STX1A: variants seen among roughly 807,000 people sequenced by gnomAD.
STX1A encodes the protein syntaxin 1A, also known as syntaxin-1A.
STX1A carries 4 observed loss-of-function variants against 37.8 expected under a neutral mutation model. The ratio of observed to expected loss-of-function variants is 0.11; its 90% CI spans 0.05 to 0.24. The LOEUF is 0.24. STX1A is among the 10% of genes least tolerant of loss of function. The probability of loss-of-function intolerance (pLI) is 1.00; values close to 1 mark genes in which losing one functional copy is unlikely to be tolerated. For missense variants in STX1A, 251 were observed against 399.9 expected (o/e 0.63, Z 3.18); for synonymous variants, 135 against 147.4 (o/e 0.92, Z 0.61).
chr7:73,714,444 A>G (rs555676990), intron 1 of STX1A, among the ~76,000 whole-genome samples: 1 of 151,946 alleles, frequency 6.6e-6, no homozygotes, highest in South Asian at 2.1e-4. Context: ...TTTGTTGTCC[A>G]GACTGGAGTG....
chr7:73,703,133 G>A, intron 7 of STX1A, 151 bp from the exon 8 acceptor site: 1 of 678,080 alleles, frequency 1.5e-6, no homozygotes, highest in Non-Finnish European at 2.5e-6. Flanking sequence ...CTTGCTACCT[G>A]GCTCTGCCAC....
chr7:73,700,391 G>A lies in STX1A; in HGVS notation c.*16C>T. 1 of 1,613,650 alleles carries A rather than the reference G, an allele frequency of 6.2e-7. No homozygotes were observed. Among genetic ancestry groups the A allele is most frequent in the East Asian group, 2.2e-5 (1 of 44,854 alleles). On this transcript the variant is annotated 3_prime_UTR_variant, in exon 10 of 10. Coordinates refer to ENST00000222812, the MANE Select transcript of STX1A (RefSeq NM_004603.4). This position sits in a 1 kb window ranked among gnomAD's most constrained non-coding sequence, Gnocchi z 4.4. Reference sequence around the variant, plus strand: ...GGAGTGGCCCACCTGGAGTGGAGTGGCAGTTTGGGTGGCTTCTAGGCGAAG... The same window carrying A: ...GGAGTGGCCCACCTGGAGTGGAGTGACAGTTTGGGTGGCTTCTAGGCGAAG...
Position 73,706,870 on chromosome 7 carries a change from G to A in STX1A, c.209-1646C>T, listed in dbSNP as rs1330552554. 2.6e-5 allele frequency among the ~76,000 whole-genome samples: 4 copies of A among 152,200 alleles called. No homozygotes were observed. Among genetic ancestry groups the A allele is most frequent in the African/African-American group, 9.6e-5 (4 of 41,458 alleles). The stretch of plus-strand genomic sequence containing the variant: ...ATCTCTCAGGCAAGGAGCTCAGCGT[G>A]GTGAGCCCTGGGCGTCCCTCTCTCC... On this transcript the variant is annotated intron_variant, in intron 3 of 9. Coordinates refer to ENST00000222812, the MANE Select transcript of STX1A (RefSeq NM_004603.4). The surrounding 1 kb of genome is among the most constrained non-coding windows in gnomAD (Gnocchi z 4.6).
At chr7:73,708,983 G>GGCGA in intron 2 of STX1A, 62 bp downstream of exon 2, 1 of 1,580,182 alleles carries the variant, frequency 6.3e-7, no homozygotes, top group East Asian at 2.2e-5. Flanking sequence ...CTGGCTCAGA[G>GGCGA]GCGAGAGTGG....
intron 3 of STX1A, among the ~76,000 whole-genome samples, chr7:73,707,135 G>A (rs1563573165): frequency 6.6e-6 from 1 of 152,180 alleles, no homozygotes; most frequent in Non-Finnish European, 1.5e-5. Flanking sequence ...GGTGGCCAGC[G>A]CTTGCCTCCC....
At chr7:73,718,047 C>T (rs1799351810) in intron 1 of STX1A, among the ~76,000 whole-genome samples, 1 of 152,158 alleles carries the variant, frequency 6.6e-6, no homozygotes, top group Admixed American at 6.5e-5. Flanking sequence ...CACACACCCT[C>T]AGGTAACCTA....
At chr7:73,714,408 CT>C (rs1328195128) in intron 1 of STX1A, among the ~76,000 whole-genome samples, 13 of 148,070 alleles carry the variant, frequency 8.8e-5, no homozygotes, top group South Asian at 2.1e-4. Context: ...GCGCCCAGCT[CT>C]TTTTTTTTTG....
In STX1A at chr7:73,700,036, T is replaced by G; in HGVS notation, c.*371A>C. ...GGACAGCTGGAGAGGACAGGGCAGG[T>G]CAGCTGGAGGCGAGGTTAGGGTCCC... On this transcript the variant is annotated 3_prime_UTR_variant, in exon 10 of 10. Coordinates refer to ENST00000222812, the MANE Select transcript of STX1A (RefSeq NM_004603.4). This position sits in a 1 kb window ranked among gnomAD's most constrained non-coding sequence, Gnocchi z 4.4. 2.9e-6 allele frequency: 1 copy of G among 339,430 alleles called. No individual in the cohort carries two copies. The highest frequency in any genetic ancestry group is 4.3e-5 in the Admixed American group (1 of 23,526). 21.0% of individuals were successfully genotyped at this position (339,430 alleles called of 1,614,324 possible). A position where few individuals can be genotyped will look rare whatever the true frequency, so the allele number is the denominator to read the frequency against.
At chr7:73,714,606 C>T (rs1266273764) in intron 1 of STX1A, among the ~76,000 whole-genome samples, 1 of 144,252 alleles carries the variant, frequency 6.9e-6, no homozygotes, top group Non-Finnish European at 1.5e-5. Flanking sequence ...CACTATGTTG[C>T]TCAGGCTGGT....
chr7:73,700,299 G>A lies in STX1A; in HGVS notation c.*108C>T. 2 of 1,048,164 alleles carry A rather than the reference G, an allele frequency of 1.9e-6. No individual in the cohort carries two copies. Among genetic ancestry groups the A allele is most frequent in the South Asian group, 1.4e-5 (1 of 72,108 alleles). The allele number at this position is 1,048,164 out of a possible 1,614,324, so 64.9% of individuals were successfully genotyped here. ...GGGAGCATGGGGGCCGGGAGGGAGG[G>A]TGCTCTGAGCCAGAGGCGGGGGTTG... On this transcript the variant is annotated 3_prime_UTR_variant, in exon 10 of 10. Coordinates refer to ENST00000222812, the MANE Select transcript of STX1A (RefSeq NM_004603.4). The surrounding 1 kb of genome is among the most constrained non-coding windows in gnomAD (Gnocchi z 4.4).
rs1250330584 is a variant in STX1A, at chr7:73,717,021, C to A, written c.30+2581G>T. On this transcript the variant is annotated intron_variant, in intron 1 of 9. Coordinates refer to ENST00000222812, the MANE Select transcript of STX1A (RefSeq NM_004603.4). The surrounding 1 kb of genome is among the most constrained non-coding windows in gnomAD (Gnocchi z 4.1). ...CTAGTCCCCAGTGACCCCCTTCACT[C>A]CCCATCTGCAGAGGGAGAGTTGGGA... 6.6e-6 allele frequency among the ~76,000 whole-genome samples: 1 copy of A among 152,168 alleles called. No homozygotes were observed. Among genetic ancestry groups the A allele is most frequent in the Non-Finnish European group, 1.5e-5 (1 of 68,044 alleles).
intron 6 of STX1A, 47 bp from the exon 7 acceptor site, chr7:73,703,875 TCAG>T: frequency 6.3e-7 from 1 of 1,590,638 alleles, no homozygotes; most frequent in Non-Finnish European, 8.6e-7. Flanking sequence ...TTCGGGGAGT[TCAG>T]CAGCAGCATT....
rs1799426432 is a variant in STX1A, at chr7:73,719,640, G to T, written c.-9C>A. 1 of 1,195,740 alleles carries T rather than the reference G, an allele frequency of 8.4e-7. No homozygotes were observed. 74.1% of individuals were successfully genotyped at this position (1,195,740 alleles called of 1,614,324 possible). A position where few individuals can be genotyped will look rare whatever the true frequency, so the allele number is the denominator to read the frequency against. ...TGGGTTCGGTCCTTCATGCTCCCGG[G>T]AGTGGCAGCGGCGCCGGCTGCAGCC... On this transcript the variant is annotated 5_prime_UTR_variant, in exon 1 of 10. Coordinates refer to ENST00000222812, the MANE Select transcript of STX1A (RefSeq NM_004603.4).
At chr7:73,718,508 G>A (rs978349050) in intron 1 of STX1A, among the ~76,000 whole-genome samples, 5 of 152,054 alleles carry the variant, frequency 3.3e-5, no homozygotes, top group African/African-American at 4.8e-5. Context: ...CCCAGGGAGC[G>A]GGGTGGGGGG....
chr7:73,704,182 G>A lies in STX1A; in HGVS notation c.432C>T (p.Arg144=). Residue 144 remains arginine, a synonymous_variant, in exon 6 of 10, where the codon CGC becomes CGT. Coordinates refer to ENST00000222812, the MANE Select transcript of STX1A (RefSeq NM_004603.4). ...GCTGCCTCTGGATGCGGCCTTTGCA[G>A]CGCTCGCGGTAGTCGGACTGCGTGG... is the stretch of plus-strand genomic sequence containing the variant. ...YNATQSDYRE[R]CKGRIQRQLE... 6.2e-7 allele frequency: 1 copy of A among 1,612,670 alleles called. No homozygotes were observed. The highest frequency in any genetic ancestry group is 2.2e-5 in the East Asian group (1 of 44,848).
In STX1A at chr7:73,702,431, C is replaced by T. The variant is rs1285416322; in HGVS notation, c.678+414G>A. On this transcript the variant is annotated intron_variant, in intron 8 of 9. Transcript: ENST00000222812. This position sits in a 1 kb window ranked among gnomAD's most constrained non-coding sequence, Gnocchi z 4.7. The stretch of plus-strand genomic sequence containing the variant: ...CCAGGTGACTCATTCAAGTTTGAGC[C>T]CCACTGGAGAACCTTCGATTTGTTC... 6.8e-5 allele frequency: 23 copies of T among 338,810 alleles called. No homozygotes were observed. Among genetic ancestry groups the T allele is most frequent in the Non-Finnish European group, 9.6e-5 (18 of 188,164 alleles). The allele number at this position is 338,810 out of a possible 1,614,324, so 21.0% of individuals were successfully genotyped here.
intron 7 of STX1A, 66 bp from the exon 8 acceptor site, chr7:73,703,048 G>T: frequency 7.5e-7 from 1 of 1,328,200 alleles, no homozygotes. Context: ...GGGCCGAGGG[G>T]GAGGGCGTTT....
intron 3 of STX1A, among the ~76,000 whole-genome samples, chr7:73,707,502 G>A (rs1554617172): frequency 6.6e-6 from 1 of 152,158 alleles, no homozygotes; most frequent in East Asian, 1.9e-4. Flanking sequence ...CGAGGGGAGG[G>A]GCGGGGCTGG....
At position 73,717,926 on chromosome 7, in the gene STX1A, G is replaced by A. The variant is rs1042695153; in HGVS notation, c.30+1676C>T. ...CACCCCTCCCTCTAGCAGGCAAGCC[G>A]TGTTTCTTTTGTGCCTCAGTTTCCC... On this transcript the variant is annotated intron_variant, in intron 1 of 9. Coordinates refer to ENST00000222812, the MANE Select transcript of STX1A (RefSeq NM_004603.4). This position sits in a 1 kb window ranked among gnomAD's most constrained non-coding sequence, Gnocchi z 4.1. 2.6e-5 allele frequency among the ~76,000 whole-genome samples: 4 copies of A among 152,154 alleles called. No homozygotes were observed. The highest frequency in any genetic ancestry group is 5.9e-5 in the Non-Finnish European group (4 of 68,016).
Sources: allele counts gnomAD v4.1 joint callset (sites outside exome capture counted in the v4.1 genomes callset), GRCh38; gene constraint gnomAD v4.1.1; non-coding constraint Gnocchi (gnomAD v3.1); transcripts MANE v1.5; gene names NCBI Gene and HGNC (gene_info 2026-07-23, HGNC 2026-07-21).